The following LTV1 variants were observed in gnomAD, a reference collection of about 807,000 sequenced individuals.
LTV1 encodes protein LTV1 homolog.
LTV1 carries 39 observed loss-of-function variants against 59.9 expected under a neutral mutation model. The ratio of observed to expected loss-of-function variants is 0.65; its 90% CI spans 0.50 to 0.85. The LOEUF (loss-of-function observed/expected upper bound fraction) is 0.85. Ranked by LOEUF, LTV1 falls within the 40% of genes least tolerant of loss-of-function variation. The probability of loss-of-function intolerance (pLI) is 0.00; values close to 1 mark genes in which losing one functional copy is unlikely to be tolerated. For missense variants in LTV1, 493 were observed against 549.1 expected (o/e 0.90, Z 1.02); for synonymous variants, 171 against 189.5 (o/e 0.90, Z 0.80).
chr6:143,850,308 G>A (rs781631382), intron 4 of LTV1, 90 bp downstream of exon 4: 1 of 911,056 alleles, frequency 1.1e-6, no homozygotes, highest in South Asian at 1.5e-5. Context: ...CCCCAGTAAA[G>A]TATTGAAACA....
chr6:143,850,075 A>C, intron 3 of LTV1, 56 bp from the exon 4 acceptor site: 1 of 1,386,202 alleles, frequency 7.2e-7, no homozygotes. Context: ...AACCCGGTAC[A>C]CTAGTTAAGA....
intron 4 of LTV1, 90 bp downstream of exon 4, chr6:143,850,308 G>C: frequency 1.1e-6 from 1 of 911,056 alleles, no homozygotes; most frequent in South Asian, 1.5e-5. Context: ...CCCCAGTAAA[G>C]TATTGAAACA....
chr6:143,863,033 AT>A lies in LTV1; in HGVS notation c.1117-47del, dbSNP rs1262534613. ...ATCAACAGTATGTCATTAATGAGCT[AT>A]TTTTTAATAGGAATGAGAAGTAACT... is the stretch of plus-strand genomic sequence containing the variant. On this transcript the variant is annotated intron_variant, in intron 9 of 10. Transcript: ENST00000367576. The surrounding 1 kb of genome is among the most constrained non-coding windows in gnomAD (Gnocchi z 4.5). The A allele has an allele frequency of 2.0e-6, 3 of 1,521,488 alleles. No individual in the cohort carries two copies. Among genetic ancestry groups the A allele is most frequent in the Non-Finnish European group, 2.7e-6 (3 of 1,098,964 alleles). The allele number at this position is 1,521,488 out of a possible 1,614,324, so 94.2% of individuals were successfully genotyped here.
Position 143,863,128 on chromosome 6 carries a change from A to G in LTV1, c.1159A>G (p.Asn387Asp). ...ATCTTCTAAAACAGGAATACCTCTC[A>G]ATGTCTTACCAAAGAAAGGACTCAC... is the stretch of plus-strand genomic sequence containing the variant. ...RISSKTGIPL[N>D]VLPKKGLTAK... The change falls in exon 10 of 11, where the codon AAT (asparagine) becomes GAT (aspartate). Residue 387 changes from asparagine (N) to aspartate (D), a missense_variant. Physicochemically the swap from Asn to Asp is conservative, Grantham distance 23 (BLOSUM62 1). Coordinates refer to ENST00000367576, the MANE Select transcript of LTV1 (RefSeq NM_032860.5). This position sits in a 1 kb window ranked among gnomAD's most constrained non-coding sequence, Gnocchi z 4.5. 6.2e-7 allele frequency: 1 copy of G among 1,613,966 alleles called. No individual in the cohort carries two copies. Among genetic ancestry groups the G allele is most frequent in the South Asian group, 1.1e-5 (1 of 91,064 alleles).
intron 1 of LTV1, among the ~76,000 whole-genome samples, chr6:143,844,232 A>G (rs1373611350): frequency 3.3e-5 from 5 of 152,200 alleles, no homozygotes; most frequent in Non-Finnish European, 5.9e-5. Flanking sequence ...CAGGGACTTT[A>G]TCTGACTTTC....
intron 2 of LTV1, among the ~76,000 whole-genome samples, chr6:143,844,972 A>G (rs976400052): frequency 1.3e-5 from 2 of 152,190 alleles, no homozygotes; most frequent in Non-Finnish European, 2.9e-5. Context: ...TAAACGAGCA[A>G]ATCTTGTAGA....
chr6:143,858,244 G>T, intron 6 of LTV1: 1 of 452,604 alleles, frequency 2.2e-6, no homozygotes, highest in Non-Finnish European at 4.1e-6. Flanking sequence ...AAGAGTAATT[G>T]GTTAGGAGGA....
chr6:143,862,714 C>T lies in LTV1; in HGVS notation c.1064-130C>T, dbSNP rs1941346514. The T allele has an allele frequency of 3.1e-6, 2 of 649,574 alleles. No individual in the cohort carries two copies. Among genetic ancestry groups the T allele is most frequent in the East Asian group, 2.7e-5 (1 of 36,900 alleles). 40.2% of individuals were successfully genotyped at this position (649,574 alleles called of 1,614,324 possible). A position where few individuals can be genotyped will look rare whatever the true frequency, so the allele number is the denominator to read the frequency against. On this transcript the variant is annotated intron_variant, in intron 8 of 10. Transcript: ENST00000367576. The surrounding 1 kb of genome is among the most constrained non-coding windows in gnomAD (Gnocchi z 4.2). ...ACTGAGTTGTAAGCAATTTATAAAA[C>T]ATTGATCAGAGACTCCAGTGTTATT...
rs544417109 is a variant in LTV1, at chr6:143,857,090, G to C, written c.398-213G>C. Among the ~76,000 whole-genome samples the C allele has an allele frequency of 2.6e-5, 4 of 152,310 alleles. No homozygotes were observed. In the South Asian group the frequency reaches 8.3e-4, roughly 32 times the overall value. ...GGAAGATGGGAGTTTTATTTATAAG[G>C]TCCTGACTGGGGCTGAGGCAGCATT... is the stretch of plus-strand genomic sequence containing the variant. On this transcript the variant is annotated intron_variant, in intron 4 of 10. Coordinates refer to ENST00000367576, the MANE Select transcript of LTV1 (RefSeq NM_032860.5). The surrounding 1 kb of genome is among the most constrained non-coding windows in gnomAD (Gnocchi z 5.2).
In LTV1 at chr6:143,860,434, G is replaced by T; in HGVS notation, c.804G>T (p.Glu268Asp). 1 of 1,612,980 alleles carries T rather than the reference G, an allele frequency of 6.2e-7. No homozygotes were observed. Among genetic ancestry groups the T allele is most frequent in the Non-Finnish European group, 8.5e-7 (1 of 1,179,472 alleles). Residue 268 changes from glutamate to aspartate, a missense_variant, in exon 7 of 11, where the codon GAG (glutamate) becomes GAT (aspartate). Glu to Asp is a conservative substitution (Grantham distance 45). Coordinates refer to ENST00000367576, the MANE Select transcript of LTV1 (RefSeq NM_032860.5). ...CTCTGTTTATATTCAAGTTTTATGA[G>T]CAATATGATGATGATGAAATTGGAG... is the stretch of plus-strand genomic sequence containing the variant. Reference protein sequence around the residue: ...LHDERFEKFYEQYDDDEIGAL... With the variant: ...LHDERFEKFYDQYDDDEIGAL...
chr6:143,857,789 G>A lies in LTV1; in HGVS notation c.577G>A (p.Val193Met), dbSNP rs769742094. ...TGAAGATGACAGCGAGTGGGAAGAT[G>A]TGGATGATGAGAAGGGAGATAGCAA... is the stretch of plus-strand genomic sequence containing the variant. ...ENEDDSEWED[V>M]DDEKGDSNDD... Residue 193 changes from valine (V) to methionine (M), a missense_variant, in exon 6 of 11, where the codon GTG becomes ATG. Val to Met is a conservative substitution (Grantham distance 21, BLOSUM62 1). Transcript: ENST00000367576. The surrounding 1 kb of genome is among the most constrained non-coding windows in gnomAD (Gnocchi z 5.2). 1.2e-6 allele frequency: 2 copies of A among 1,614,004 alleles called. No individual in the cohort carries two copies. The highest frequency in any genetic ancestry group is 1.7e-5 in the Admixed American group (1 of 60,000).
At chr6:143,858,146 A>G (rs1435359715) in intron 6 of LTV1, 139 bp downstream of exon 6, 4 of 759,770 alleles carry the variant, frequency 5.3e-6, no homozygotes, top group South Asian at 1.7e-5. Flanking sequence ...ATCCAGCTAT[A>G]GGTTCGTGTA....
chr6:143,843,365 G>A lies in LTV1; in HGVS notation c.-113G>A. 3 of 1,300,574 alleles carry A rather than the reference G, an allele frequency of 2.3e-6. No individual in the cohort carries two copies. The highest frequency in any genetic ancestry group is 3.3e-6 in the Non-Finnish European group (3 of 903,690). 80.6% of individuals were successfully genotyped at this position (1,300,574 alleles called of 1,614,324 possible). ...GACGTTATCGCCGGGTCCTGGGGCT[G>A]CACGTGTGGTGAGGCCTACAGAAGC... On this transcript the variant is annotated 5_prime_UTR_variant, in exon 1 of 11. Coordinates refer to ENST00000367576, the MANE Select transcript of LTV1 (RefSeq NM_032860.5).
rs1326333002 is a variant in LTV1 at position 143,855,822 on chromosome 6, T to C, written c.398-1481T>C. 6.6e-6 allele frequency among the ~76,000 whole-genome samples: 1 copy of C among 152,256 alleles called. No individual in the cohort carries two copies. The highest frequency in any genetic ancestry group is 1.5e-5 in the Non-Finnish European group (1 of 68,046). On this transcript the variant is annotated intron_variant, in intron 4 of 10. Transcript: ENST00000367576. This position sits in a 1 kb window ranked among gnomAD's most constrained non-coding sequence, Gnocchi z 4.6. ...TCTGCTGAGAGATCCACTGTTAGTC[T>C]GATGGGCTTCTCTTTGTGGGTAACC... is the stretch of plus-strand genomic sequence containing the variant.
intron 4 of LTV1, among the ~76,000 whole-genome samples, chr6:143,854,241 G>T (rs1330647376): frequency 6.6e-6 from 1 of 152,162 alleles, no homozygotes; most frequent in African/African-American, 2.4e-5. Flanking sequence ...TTTCATAGAG[G>T]TGTTTATAGT....
Position 143,862,045 on chromosome 6 carries a change from T to C in LTV1, c.924-59T>C, listed in dbSNP as rs1352559259. The C allele has an allele frequency of 1.3e-6, 2 of 1,560,856 alleles. No individual in the cohort carries two copies. Among genetic ancestry groups the C allele is most frequent in the Admixed American group, 3.8e-5 (2 of 52,772 alleles). ...AAAAATTGCAGTTTTAGTGACATAG[T>C]ATAATAATAGGTCATTTTTCCCCCT... is the stretch of plus-strand genomic sequence containing the variant. On this transcript the variant is annotated intron_variant, in intron 7 of 10. Coordinates refer to ENST00000367576, the MANE Select transcript of LTV1 (RefSeq NM_032860.5). This position sits in a 1 kb window ranked among gnomAD's most constrained non-coding sequence, Gnocchi z 4.2.
Position 143,863,244 on chromosome 6 carries a change from AG to A in LTV1, c.1276del (p.Asp426IlefsTer9), listed in dbSNP as rs1777203473. ...CACGTTCTAAAAATGAAAGCAAAGAAGATAAAAGAGCAAGAAAGCAAGCTAT... is the reference window on the plus strand; with the variant it reads ...CACGTTCTAAAAATGAAAGCAAAGAAATAAAAGAGCAAGAAAGCAAGCTAT... ...QPRSKNESKE[D>X]KRARKQAIKE... is the part of the protein sequence containing the mutation. On this transcript the variant is annotated frameshift_variant, in exon 10 of 11. Transcript: ENST00000367576. LOFTEE classifies it high-confidence loss of function. This position sits in a 1 kb window ranked among gnomAD's most constrained non-coding sequence, Gnocchi z 4.5. The A allele has an allele frequency of 6.2e-7, 1 of 1,614,068 alleles. No homozygotes were observed. The highest frequency in any genetic ancestry group is 8.5e-7 in the Non-Finnish European group (1 of 1,179,964).
At chr6:143,852,272 G>C (rs1776996510) in intron 4 of LTV1, among the ~76,000 whole-genome samples, 1 of 152,182 alleles carries the variant, frequency 6.6e-6, no homozygotes, top group South Asian at 2.1e-4. Context: ...CATTCTAACT[G>C]GCGTGAGATA....
In LTV1 at chr6:143,857,748, T is replaced by G; in HGVS notation, c.540-4T>G. 2 of 1,613,902 alleles carry G rather than the reference T, an allele frequency of 1.2e-6. No homozygotes were observed. The highest frequency in any genetic ancestry group is 1.7e-6 in the Non-Finnish European group (2 of 1,179,842). On this transcript the variant is annotated splice_region_variant and splice_polypyrimidine_tract_variant and intron_variant, in intron 5 of 10. Coordinates refer to ENST00000367576, the MANE Select transcript of LTV1 (RefSeq NM_032860.5). This position sits in a 1 kb window ranked among gnomAD's most constrained non-coding sequence, Gnocchi z 5.2. ...TGGTAGGTAATTTATGACCTTTACT[T>G]TAGGAAATCTGAGAATGAAGATGAC...
Sources: allele counts gnomAD v4.1 joint callset (sites outside exome capture counted in the v4.1 genomes callset), GRCh38; gene constraint gnomAD v4.1.1; non-coding constraint Gnocchi (gnomAD v3.1); transcripts MANE v1.5; gene names NCBI Gene and HGNC (gene_info 2026-07-23, HGNC 2026-07-21).